Variants in IL2RA observed in about 807,000 individuals in gnomAD.
The protein encoded by IL2RA is interleukin 2 receptor subunit alpha.
IL2RA carries 24 observed loss-of-function variants against 37.8 expected under a neutral mutation model. The observed-to-expected ratio is 0.63, with a 90% CI of 0.46 to 0.89. The LOEUF is 0.89. Ranked by LOEUF, IL2RA falls within the 40% of genes least tolerant of loss-of-function variation. The pLI is 0.00. For synonymous variants in IL2RA, 125 were observed against 114.6 expected (o/e 1.09, Z -0.58); for missense variants, 319 against 348.6 (o/e 0.92, Z 0.68).
At chr10:6,023,902 A>G (rs1474501535) in intron 3 of IL2RA, among the ~76,000 whole-genome samples, 4 of 151,994 alleles carry the variant, frequency 2.6e-5, no homozygotes, top group Admixed American at 1.3e-4. Flanking sequence ...TCGTTGTCAC[A>G]CTCTTGTTTG....
rs1564538091 is a variant in IL2RA, at chr10:6,010,717, T to C, written c.*2155A>G. The C allele has an allele frequency of 6.6e-6, 1 of 152,158 alleles. No homozygotes were observed. The highest frequency in any genetic ancestry group is 2.4e-5 in the African/African-American group (1 of 41,442). The allele number at this position is 152,158 out of a possible 1,614,324, so 9.4% of individuals were successfully genotyped here. On this transcript the variant is annotated 3_prime_UTR_variant, in exon 8 of 8. Transcript: ENST00000379959. ...TTAAAAAATATCATTTATTCTTTTA[T>C]AAACAATAGCAATAAATTTATTATA... is the stretch of plus-strand genomic sequence containing the variant.
At chr10:6,024,790 G>C (rs1839454132) in intron 2 of IL2RA, among the ~76,000 whole-genome samples, 1 of 152,218 alleles carries the variant, frequency 6.6e-6, no homozygotes, top group Non-Finnish European at 1.5e-5. Context: ...CCCTAAGGCT[G>C]TTCAGAATGC....
Position 6,025,842 on chromosome 10 carries a change from G to A in IL2RA, c.248C>T (p.Thr83Ile). ...ACAGAAGGGACACTTACCAGAGCTT[G>A]TGCATTGACATTGGTTGTCCCAGGA... Reference protein sequence around the residue: ...HSSWDNQCQCTSSATRNTTKQ... With the variant: ...HSSWDNQCQCISSATRNTTKQ... The change falls in exon 2 of 8, where the codon ACA (threonine) becomes ATA (isoleucine). Residue 83 changes from threonine to isoleucine, a missense_variant. By Grantham distance (89) the Thr-to-Ile change is moderately conservative (BLOSUM62 -1). Coordinates refer to ENST00000379959, the MANE Select transcript of IL2RA (RefSeq NM_000417.3). The surrounding 1 kb of genome is among the most constrained non-coding windows in gnomAD (Gnocchi z 4.4). 6.2e-7 allele frequency: 1 copy of A among 1,614,112 alleles called. No homozygotes were observed. The highest frequency in any genetic ancestry group is 2.2e-5 in the East Asian group (1 of 44,888).
At chr10:6,026,195 T>G in intron 1 of IL2RA, 170 bp from the exon 2 acceptor site, 1 of 702,542 alleles carries the variant, frequency 1.4e-6, no homozygotes, top group Non-Finnish European at 2.4e-6. Flanking sequence ...TTTAGAAAGC[T>G]TTGTATCAGA....
rs1839208962 is a variant in IL2RA, at chr10:6,012,739, G to A, written c.*133C>T. 2.9e-5 allele frequency: 27 copies of A among 915,610 alleles called. No individual in the cohort carries two copies. In the South Asian group the frequency reaches 3.2e-4, roughly 11 times the overall value. 56.7% of individuals were successfully genotyped at this position (915,610 alleles called of 1,614,324 possible). A position where few individuals can be genotyped will look rare whatever the true frequency, so the allele number is the denominator to read the frequency against. On this transcript the variant is annotated 3_prime_UTR_variant, in exon 8 of 8. Coordinates refer to ENST00000379959, the MANE Select transcript of IL2RA (RefSeq NM_000417.3). The surrounding 1 kb of genome is among the most constrained non-coding windows in gnomAD (Gnocchi z 4.8). ...CCGTGTCCTGTGATGTGACTTCAGA[G>A]CTTCCAAAACGCAGGCAAGCACAAC...
chr10:6,012,980 C>T lies in IL2RA; in HGVS notation c.795-84G>A, dbSNP rs535135250. ...TCCTCACTCTAAACCAGTGCACACG[C>T]CACCATGCCTGGCTAATTTTTGTAT... On this transcript the variant is annotated intron_variant, in intron 7 of 7. Transcript: ENST00000379959. This position sits in a 1 kb window ranked among gnomAD's most constrained non-coding sequence, Gnocchi z 4.8. 29 of 1,289,954 alleles carry T rather than the reference C, an allele frequency of 2.2e-5. No individual in the cohort carries two copies. In the East Asian group the frequency reaches 6.0e-4, roughly 27 times the overall value. 79.9% of individuals were successfully genotyped at this position (1,289,954 alleles called of 1,614,324 possible). A position where few individuals can be genotyped will look rare whatever the true frequency, so the allele number is the denominator to read the frequency against.
rs12722651 is a variant in IL2RA at position 6,040,549 on chromosome 10, A to T, written c.65-14524T>A. Among the ~76,000 whole-genome samples, 634 of 152,300 alleles carry T rather than the reference A, an allele frequency of 4.2e-3. 3 individuals carry two copies. Among genetic ancestry groups the T allele is most frequent in the African/African-American group, 0.014 (595 of 41,546 alleles). On this transcript the variant is annotated intron_variant, in intron 1 of 7. Transcript: ENST00000379959. ...TATATACGAATACACTTTTATATAT[A>T]ATTTAGAATTTTTTCTTAGCCATCA... is the stretch of plus-strand genomic sequence containing the variant.
rs1214592503 is a variant in IL2RA at position 6,018,931 on chromosome 10, C to T, written c.727+497G>A. Among the ~76,000 whole-genome samples, 1 of 152,138 alleles carries T rather than the reference C, an allele frequency of 6.6e-6. No homozygotes were observed. Among genetic ancestry groups the T allele is most frequent in the Non-Finnish European group, 1.5e-5 (1 of 68,026 alleles). On this transcript the variant is annotated intron_variant, in intron 6 of 7. Coordinates refer to ENST00000379959, the MANE Select transcript of IL2RA (RefSeq NM_000417.3). This position sits in a 1 kb window ranked among gnomAD's most constrained non-coding sequence, Gnocchi z 5.1. ...ATCTACCAATCTATCTACCAACCAA[C>T]TCACTAACCAACCAACCAGCTAACC...
chr10:6,027,282 C>A (rs574101077), intron 1 of IL2RA, among the ~76,000 whole-genome samples: 2 of 151,792 alleles, frequency 1.3e-5, no homozygotes, highest in African/African-American at 4.8e-5. Context: ...GCCGAGATCA[C>A]GCCACTGCAC....
At chr10:6,016,327 A>G (rs781561558) in intron 7 of IL2RA, among the ~76,000 whole-genome samples, 5 of 152,182 alleles carry the variant, frequency 3.3e-5, no homozygotes, top group Non-Finnish European at 7.4e-5. Flanking sequence ...CCCAGCCTCC[A>G]GAATGGTAAG....
chr10:6,013,030 A>T, intron 7 of IL2RA, 134 bp from the exon 8 acceptor site: 2 of 838,266 alleles, frequency 2.4e-6, no homozygotes, highest in East Asian at 2.5e-5. Flanking sequence ...GGGTTTTGCT[A>T]TGTTGGCCAG....
intron 3 of IL2RA, among the ~76,000 whole-genome samples, chr10:6,023,651 A>G (rs958302592): frequency 1.3e-5 from 2 of 152,194 alleles, no homozygotes; most frequent in African/African-American, 2.4e-5. Context: ...TCTTGACACC[A>G]TAACTGAATC....
rs940055849 is a variant in IL2RA at position 6,054,421 on chromosome 10, A to G, written c.64+7667T>C. On this transcript the variant is annotated intron_variant, in intron 1 of 7. Coordinates refer to ENST00000379959, the MANE Select transcript of IL2RA (RefSeq NM_000417.3). The surrounding 1 kb of genome is among the most constrained non-coding windows in gnomAD (Gnocchi z 4.5). The stretch of plus-strand genomic sequence containing the variant: ...AACCGAGGACGTCTACCGGGGACCA[A>G]TGACACCTGTAGACACTGCAGGGTT... 2.0e-5 allele frequency among the ~76,000 whole-genome samples: 3 copies of G among 152,182 alleles called. No homozygotes were observed. Among genetic ancestry groups the G allele is most frequent in the Non-Finnish European group, 4.4e-5 (3 of 68,016 alleles).
rs1328875036 is a variant in IL2RA, at chr10:6,024,277, G to A, written c.334C>T (p.Pro112Ser). 1 of 1,613,956 alleles carries A rather than the reference G, an allele frequency of 6.2e-7. No individual in the cohort carries two copies. The highest frequency in any genetic ancestry group is 1.3e-5 in the African/African-American group (1 of 74,926). ...CTCGCTTGGTCCACTGGCTGCATTG[G>A]ACTTTGCATTTCTGTGGTTTTCCTT... ...KERKTTEMQS[P>S]MQPVDQASLP... The change falls in exon 3 of 8, where the codon CCA becomes TCA. Residue 112 changes from proline (P) to serine (S), a missense_variant. Transcript: ENST00000379959.
In IL2RA at chr10:6,046,983, T is replaced by C. The variant is rs1403816193; in HGVS notation, c.64+15105A>G. Among the ~76,000 whole-genome samples, 1 of 152,180 alleles carries C rather than the reference T, an allele frequency of 6.6e-6. No individual in the cohort carries two copies. The highest frequency in any genetic ancestry group is 6.5e-5 in the Admixed American group (1 of 15,280). ...TTTAAAGACTTCCTCAGCACAGTGC[T>C]GAGAAGATCCTGCTTTTTACTCGGG... On this transcript the variant is annotated intron_variant, in intron 1 of 7. Transcript: ENST00000379959. The surrounding 1 kb of genome is among the most constrained non-coding windows in gnomAD (Gnocchi z 4.8).
Position 6,015,016 on chromosome 10 carries a change from G to A in IL2RA, c.795-2120C>T, listed in dbSNP as rs1008608513. On this transcript the variant is annotated intron_variant, in intron 7 of 7. Transcript: ENST00000379959. The surrounding 1 kb of genome is among the most constrained non-coding windows in gnomAD (Gnocchi z 4.9). ...AGAGTGGATGCTGGCAGGGGTCAGGGAGGCCCTGGATAATCAAGAGAGAGA... is the reference window on the plus strand; with the variant it reads ...AGAGTGGATGCTGGCAGGGGTCAGGAAGGCCCTGGATAATCAAGAGAGAGA... 3.3e-5 allele frequency among the ~76,000 whole-genome samples: 5 copies of A among 152,102 alleles called. No individual in the cohort carries two copies. The highest frequency in any genetic ancestry group is 7.4e-5 in the Non-Finnish European group (5 of 68,026).
intron 1 of IL2RA, among the ~76,000 whole-genome samples, chr10:6,031,277 A>T (rs1457332980): frequency 6.6e-6 from 1 of 151,514 alleles, no homozygotes; most frequent in Non-Finnish European, 1.5e-5. Flanking sequence ...ATAGAAAAAG[A>T]TATAATCTAC....
intron 1 of IL2RA, among the ~76,000 whole-genome samples, chr10:6,032,506 C>A (rs1839613457): frequency 6.6e-6 from 1 of 151,928 alleles, no homozygotes; most frequent in Admixed American, 6.6e-5. Context: ...TCCTGGCTAA[C>A]ACGGTGAAAC....
In IL2RA at chr10:6,025,028, T is replaced by C. The variant is rs913608593; in HGVS notation, c.257-674A>G. Reference sequence around the variant, plus strand: ...CAGGAGGACTGCTTGAGCCCAGGAGTTTAAGACCAGCCTGGACAACATGGG... The same window carrying C: ...CAGGAGGACTGCTTGAGCCCAGGAGCTTAAGACCAGCCTGGACAACATGGG... On this transcript the variant is annotated intron_variant, in intron 2 of 7. Coordinates refer to ENST00000379959, the MANE Select transcript of IL2RA (RefSeq NM_000417.3). The surrounding 1 kb of genome is among the most constrained non-coding windows in gnomAD (Gnocchi z 4.4). 5.3e-5 allele frequency among the ~76,000 whole-genome samples: 8 copies of C among 151,818 alleles called. No individual in the cohort carries two copies. Among genetic ancestry groups the C allele is most frequent in the African/African-American group, 1.7e-4 (7 of 41,322 alleles).
Sources: allele counts gnomAD v4.1 joint callset (sites outside exome capture counted in the v4.1 genomes callset), GRCh38; gene constraint gnomAD v4.1.1; non-coding constraint Gnocchi (gnomAD v3.1); transcripts MANE v1.5; gene names NCBI Gene and HGNC (gene_info 2026-07-23, HGNC 2026-07-21).